Variants in PCDH19 observed in about 807,000 individuals in gnomAD.
The protein encoded by PCDH19 is protocadherin 19, also known as protocadherin-19.
In PCDH19, 6 loss-of-function variants were observed where a neutral mutation model predicts 46.2. The ratio of observed to expected loss-of-function variants is 0.13; its 90% CI spans 0.07 to 0.26. The LOEUF is 0.26. Ranked by LOEUF, PCDH19 falls within the 10% of genes least tolerant of loss-of-function variation. The probability of loss-of-function intolerance (pLI) is 1.00; values close to 1 mark genes in which losing one functional copy is unlikely to be tolerated. For synonymous variants in PCDH19, 481 were observed against 415.7 expected (o/e 1.16, Z -1.91); for missense variants, 740 against 972.3 (o/e 0.76, Z 3.18).
intron 5 of PCDH19, among the ~76,000 whole-genome samples, chrX:100,303,623 A>C (rs1328720724): frequency 8.9e-6 from 1 of 112,042 alleles, no homozygotes; most frequent in Non-Finnish European, 1.9e-5. Context: ...AGATATCTGT[A>C]GACACTCATG....
chrX:100,383,224 C>T lies in PCDH19; in HGVS notation c.2616+19300G>A, dbSNP rs151086419. Among the ~76,000 whole-genome samples the T allele has an allele frequency of 1.6e-3, 174 of 112,255 alleles. 1 individual carries two copies. The highest frequency in any genetic ancestry group is 8.7e-3 in the East Asian group (31 of 3,581). The stretch of plus-strand genomic sequence containing the variant: ...CACATTGAATCCTCACAAGAATCTA[C>T]GAGGTAGGTCCCATTACTCTTATTT... On this transcript the variant is annotated intron_variant, in intron 3 of 5. Coordinates refer to ENST00000373034, the MANE Select transcript of PCDH19 (RefSeq NM_001184880.2).
At chrX:100,379,451 A>G (rs1370307871) in intron 3 of PCDH19, among the ~76,000 whole-genome samples, 1 of 111,888 alleles carries the variant, frequency 8.9e-6, no homozygotes, top group Non-Finnish European at 1.9e-5. Flanking sequence ...CCTTGATGGT[A>G]CTATTACAAA....
At chrX:100,336,264 G>A (rs1316917485) in intron 5 of PCDH19, among the ~76,000 whole-genome samples, 1 of 112,082 alleles carries the variant, frequency 8.9e-6, no homozygotes, top group Non-Finnish European at 1.9e-5. Flanking sequence ...AATTCAGTGA[G>A]GAGAGAGGTG....
chrX:100,326,855 T>A (rs949436932), intron 5 of PCDH19, among the ~76,000 whole-genome samples: 1 of 111,402 alleles, frequency 9.0e-6, no homozygotes, highest in African/African-American at 3.3e-5. Context: ...GGCAAACTCA[T>A]GAGGTTGTCA....
chrX:100,296,718 G>A lies in PCDH19; in HGVS notation c.3006C>T (p.Val1002=), dbSNP rs1924624322. The A allele has an allele frequency of 1.7e-6, 2 of 1,211,074 alleles. No individual in the cohort carries two copies. The highest frequency in any genetic ancestry group is 3.5e-5 in the South Asian group (2 of 56,924). ...TGGGGCCGCAGTCGTCATAAGCCTCGACATCAGCAGCAGTAGCTTCAATAG... is the reference window on the plus strand; with the variant it reads ...TGGGGCCGCAGTCGTCATAAGCCTCAACATCAGCAGCAGTAGCTTCAATAG... ...ALSIEATAAD[V]EAYDDCGPTK... Residue 1002 remains valine, a synonymous_variant, in exon 6 of 6, where the codon GTC becomes GTT. Coordinates refer to ENST00000373034, the MANE Select transcript of PCDH19 (RefSeq NM_001184880.2).
rs1928433747 is a variant in PCDH19, at chrX:100,407,845, C to T, written c.753G>A (p.Ser251=). The part of the protein sequence containing the change: ...STYAVSVPEN[S]PPNTPVIRLN... The stretch of plus-strand genomic sequence containing the variant: ...GGCGGATGACGGGTGTGTTGGGAGG[C>T]GAGTTTTCTGGCACGCTCACCGCGT... Residue 251 remains serine (S), a synonymous_variant, in exon 1 of 6, where the codon TCG becomes TCA. Transcript: ENST00000373034. 3 of 1,212,140 alleles carry T rather than the reference C, an allele frequency of 2.5e-6. No individual in the cohort carries two copies. Among genetic ancestry groups the T allele is most frequent in the East Asian group, 5.9e-5 (2 of 33,827 alleles).
chrX:100,329,105 C>T (rs933786861), intron 5 of PCDH19, among the ~76,000 whole-genome samples: 1 of 112,226 alleles, frequency 8.9e-6, no homozygotes, highest in Non-Finnish European at 1.9e-5. Context: ...ATTTGATACA[C>T]CTACCCTCCG....
At position 100,296,483 on chromosome X, in the gene PCDH19, C is replaced by T. The variant is rs774791898; in HGVS notation, c.3241G>A (p.Val1081Met). The change falls in exon 6 of 6, where the codon GTG (valine) becomes ATG (methionine). Residue 1081 changes from valine to methionine, a missense_variant. Physicochemically the swap from Val to Met is conservative, Grantham distance 21. Transcript: ENST00000373034. Reference sequence around the variant, plus strand: ...GGAGCCAGGGCAATGGTGTAAGACACGGAAGGCTTGGTGGGCAGAGAGCTC... The same window carrying T: ...GGAGCCAGGGCAATGGTGTAAGACATGGAAGGCTTGGTGGGCAGAGAGCTC... ...LKSSLPTKPSVSYTIALAPPA... is the reference protein window; with the variant it reads ...LKSSLPTKPSMSYTIALAPPA... 12 of 1,209,197 alleles carry T rather than the reference C, an allele frequency of 9.9e-6. No homozygotes were observed. Among genetic ancestry groups the T allele is most frequent in the Non-Finnish European group, 1.3e-5 (12 of 895,031 alleles).
chrX:100,353,815 A>G (rs759518458), intron 3 of PCDH19, among the ~76,000 whole-genome samples: 1 of 111,586 alleles, frequency 9.0e-6, no homozygotes, highest in Non-Finnish European at 1.9e-5. Flanking sequence ...AAAATATATC[A>G]TTCCCCCAAA....
chrX:100,385,548 A>G (rs1314490155), intron 3 of PCDH19, among the ~76,000 whole-genome samples: 1 of 112,451 alleles, frequency 8.9e-6, no homozygotes. Context: ...TCTGTAGAAC[A>G]GAATACAATT....
intron 5 of PCDH19, among the ~76,000 whole-genome samples, chrX:100,303,392 A>C (rs887416084): frequency 3.6e-5 from 4 of 111,841 alleles, no homozygotes; most frequent in Non-Finnish European, 5.6e-5. Flanking sequence ...GATATGTTTG[A>C]TATCTTGAGG....
chrX:100,383,470 G>A (rs1443467031), intron 3 of PCDH19, among the ~76,000 whole-genome samples: 3 of 112,025 alleles, frequency 2.7e-5, no homozygotes, highest in African/African-American at 6.5e-5. Context: ...TGCCTGATTA[G>A]AAAATGTAAT....
Position 100,408,772 on chromosome X carries a change from C to A in PCDH19, c.-175G>T, listed in dbSNP as rs1928496134. The A allele has an allele frequency of 4.6e-5, 10 of 216,032 alleles. No individual in the cohort carries two copies. The highest frequency in any genetic ancestry group is 7.9e-5 in the Non-Finnish European group (10 of 125,847). The allele number at this position is 216,032 out of a possible 1,213,427, so 17.8% of individuals were successfully genotyped here. ...GGCGGCGCGCGGGGGACACCCGCGGCGGCTCCAATGCTGAGGTTGCGGCGG... is the reference window on the plus strand; with the variant it reads ...GGCGGCGCGCGGGGGACACCCGCGGAGGCTCCAATGCTGAGGTTGCGGCGG... On this transcript the variant is annotated 5_prime_UTR_variant, in exon 1 of 6. Coordinates refer to ENST00000373034, the MANE Select transcript of PCDH19 (RefSeq NM_001184880.2).
chrX:100,358,515 G>A (rs771698647), intron 3 of PCDH19, among the ~76,000 whole-genome samples: 1 of 112,104 alleles, frequency 8.9e-6, no homozygotes, highest in East Asian at 2.8e-4. Flanking sequence ...CTCATCTTTG[G>A]GTCAAAGTTA....
rs1924556118 is a variant in PCDH19, at chrX:100,295,183, G to C, written c.*1094C>G. On this transcript the variant is annotated 3_prime_UTR_variant, in exon 6 of 6. Transcript: ENST00000373034. The stretch of plus-strand genomic sequence containing the variant: ...GCAGTCTAATTCTAATCATGATTGG[G>C]AAACACTGAATCAGGAAGTGTGTGT... 8.9e-6 allele frequency: 1 copy of C among 112,097 alleles called. No individual in the cohort carries two copies. Among genetic ancestry groups the C allele is most frequent in the South Asian group, 3.8e-4 (1 of 2,654 alleles). The allele number at this position is 112,097 out of a possible 1,213,427, so 9.2% of individuals were successfully genotyped here. A position where few individuals can be genotyped will look rare whatever the true frequency, so the allele number is the denominator to read the frequency against.
chrX:100,406,098 T>C (rs760372598), intron 1 of PCDH19, among the ~76,000 whole-genome samples: 1 of 110,696 alleles, frequency 9.0e-6, no homozygotes, highest in African/African-American at 3.3e-5. Flanking sequence ...AGTTGGTGGT[T>C]TTCCTAAAAA....
At chrX:100,375,396 T>G in intron 3 of PCDH19, among the ~76,000 whole-genome samples, 1 of 112,044 alleles carries the variant, frequency 8.9e-6, no homozygotes, top group Admixed American at 9.4e-5. Flanking sequence ...GTTTCCAGCT[T>G]CATCCATGTC....
intron 5 of PCDH19, 28 bp downstream of exon 5, chrX:100,341,875 C>A (rs1470635693): frequency 8.4e-7 from 1 of 1,195,528 alleles, no homozygotes; most frequent in South Asian, 1.8e-5. Flanking sequence ...GAGTCGATTG[C>A]TGCAACTTAC....
intron 3 of PCDH19, among the ~76,000 whole-genome samples, chrX:100,399,036 T>G (rs1182374242): frequency 8.9e-6 from 1 of 112,262 alleles, no homozygotes; most frequent in Non-Finnish European, 1.9e-5. Flanking sequence ...AAGAAACAAG[T>G]GTTTTATTAT....
Sources: gnomAD v4.1 joint callset for allele counts (sites outside exome capture counted in the v4.1 genomes callset) on GRCh38, gnomAD v4.1.1 for gene constraint, MANE v1.5 for transcripts, NCBI Gene and HGNC (gene_info 2026-07-23, HGNC 2026-07-21) for gene names.